TENM4: variants seen among roughly 807,000 people sequenced by gnomAD.
TENM4 encodes the protein teneurin transmembrane protein 4.
A neutral mutation model predicts 243.3 loss-of-function variants in TENM4; 82 were observed. That is an observed-to-expected ratio of 0.34 (90% CI 0.28 to 0.40). The LOEUF is 0.40. TENM4 is among the 10% of genes least tolerant of loss of function. The probability of loss-of-function intolerance (pLI) is 1.00; values close to 1 mark genes in which losing one functional copy is unlikely to be tolerated. For synonymous variants in TENM4, 1,412 were observed against 1,456.3 expected, an observed-to-expected ratio of 0.97 and a Z score of 0.69; for missense variants, 3,138 against 3,673.3, an observed-to-expected ratio of 0.85 and a Z score of 3.77.
At chr11:78,907,243 CCTT>C (rs1227302795) in intron 6 of TENM4, among the ~76,000 whole-genome samples, 4 of 143,778 alleles carry the variant, frequency 2.8e-5, no homozygotes, top group African/African-American at 5.6e-5. Context: ...TGAATGGACT[CCTT>C]TTTTTTTTTT....
chr11:79,259,348 T>C (rs1364012108), intron 2 of TENM4, among the ~76,000 whole-genome samples: 1 of 152,160 alleles, frequency 6.6e-6, no homozygotes, highest in African/African-American at 2.4e-5. Flanking sequence ...AATAAATATT[T>C]ACTATCTGTT....
intron 4 of TENM4, among the ~76,000 whole-genome samples, chr11:79,111,202 C>T (rs1339635557): frequency 3.9e-5 from 6 of 152,128 alleles, no homozygotes; most frequent in Admixed American, 6.5e-5. Context: ...TTTCGCCTTC[C>T]ACCATAATTG....
Position 79,118,307 on chromosome 11 carries a change from G to T in TENM4, c.-66+30403C>A, listed in dbSNP as rs1280720045. ...GAAACACTGTCAGGCACTGTATTAGGCTCTTTAGAGATGACATTTTATGTC... is the reference window on the plus strand; with the variant it reads ...GAAACACTGTCAGGCACTGTATTAGTCTCTTTAGAGATGACATTTTATGTC... On this transcript the variant is annotated intron_variant, in intron 4 of 33. Transcript: ENST00000278550. Among the ~76,000 whole-genome samples, 3 of 152,148 alleles carry T rather than the reference G, an allele frequency of 2.0e-5. No homozygotes were observed. In the East Asian group the frequency reaches 5.8e-4, roughly 29 times the overall value.
chr11:79,307,127 A>G (rs1252078508), intron 1 of TENM4, among the ~76,000 whole-genome samples: 1 of 152,138 alleles, frequency 6.6e-6, no homozygotes, highest in East Asian at 1.9e-4. Flanking sequence ...AACCATCACA[A>G]CAACCCTATA....
intron 16 of TENM4, among the ~76,000 whole-genome samples, chr11:78,779,750 A>G (rs1484208601): frequency 6.6e-6 from 1 of 152,198 alleles, no homozygotes; most frequent in Non-Finnish European, 1.5e-5. Flanking sequence ...CCCCAGCTGA[A>G]TTTCACACAT....
chr11:79,382,388 C>G (rs1368192116), intron 1 of TENM4, among the ~76,000 whole-genome samples: 3 of 152,174 alleles, frequency 2.0e-5, no homozygotes, highest in African/African-American at 7.2e-5. Flanking sequence ...GCAGGCTTCG[C>G]TTTCGGTGGA....
intron 1 of TENM4, among the ~76,000 whole-genome samples, chr11:79,384,152 C>T (rs1415971799): frequency 6.6e-6 from 1 of 152,136 alleles, no homozygotes; most frequent in Non-Finnish European, 1.5e-5. Flanking sequence ...GTGTTTTAGA[C>T]CCAGCTTGTG....
At chr11:78,875,383 T>C (rs1453043317) in intron 9 of TENM4, among the ~76,000 whole-genome samples, 6 of 152,152 alleles carry the variant, frequency 3.9e-5, no homozygotes, top group Non-Finnish European at 1.5e-5. Flanking sequence ...TTTGTATTTT[T>C]AGTAGAGACA....
chr11:78,856,314 C>T, intron 10 of TENM4, 136 bp from the exon 11 acceptor site: 1 of 774,438 alleles, frequency 1.3e-6, no homozygotes, highest in Non-Finnish European at 2.0e-6. Flanking sequence ...TCAGCTTCCT[C>T]CCCACCCTGG....
Position 78,814,403 on chromosome 11 carries a change from G to A in TENM4, c.1682-8C>T. The stretch of plus-strand genomic sequence containing the variant: ...GGCAGTTATCCACCGACTCTGGGGA[G>A]AGAAAGGAGAAGGAGAGTTGAAAAC... On this transcript the variant is annotated splice_region_variant and splice_polypyrimidine_tract_variant and intron_variant, in intron 12 of 33. Coordinates refer to ENST00000278550, the MANE Select transcript of TENM4 (RefSeq NM_001098816.3). The A allele has an allele frequency of 6.5e-7, 1 of 1,547,174 alleles. No homozygotes were observed. The highest frequency in any genetic ancestry group is 8.7e-7 in the Non-Finnish European group (1 of 1,144,930).
intron 24 of TENM4, 28 bp downstream of exon 24, chr11:78,722,640 A>G (rs778490036): frequency 6.2e-7 from 1 of 1,602,258 alleles, no homozygotes; most frequent in Non-Finnish European, 8.5e-7. Flanking sequence ...ATTATTAGGA[A>G]CTATGAAGAA....
intron 3 of TENM4, among the ~76,000 whole-genome samples, chr11:79,174,277 G>A (rs578232747): frequency 2.6e-5 from 4 of 151,902 alleles, no homozygotes; most frequent in South Asian, 2.1e-4. Context: ...AAGGTGAAAC[G>A]TTGTACATGA....
At chr11:78,879,305 A>G (rs1329803169) in intron 9 of TENM4, among the ~76,000 whole-genome samples, 1,800 of 15,300 alleles carry the variant, frequency 0.12, 49 homozygotes, top group African/African-American at 0.25. Flanking sequence ...GCCTTTGCCC[A>G]GCCGCCACCC....
chr11:78,900,503 T>C (rs1188925456), intron 7 of TENM4, among the ~76,000 whole-genome samples: 1 of 152,212 alleles, frequency 6.6e-6, no homozygotes, highest in Non-Finnish European at 1.5e-5. Flanking sequence ...TCTTTTTGAA[T>C]GACATTTTTA....
intron 28 of TENM4, among the ~76,000 whole-genome samples, chr11:78,692,921 T>G (rs759991887): frequency 6.6e-6 from 1 of 152,198 alleles, no homozygotes; most frequent in African/African-American, 2.4e-5. Context: ...CTAAGACAGA[T>G]AAGTCCCCCC....
At chr11:79,177,316 C>A (rs1863181727) in intron 3 of TENM4, among the ~76,000 whole-genome samples, 1 of 152,088 alleles carries the variant, frequency 6.6e-6, no homozygotes, top group Non-Finnish European at 1.5e-5. Flanking sequence ...CAGACTGGGT[C>A]TCTTTTCTCT....
chr11:79,112,186 A>T (rs940953110), intron 4 of TENM4, among the ~76,000 whole-genome samples: 2 of 152,202 alleles, frequency 1.3e-5, no homozygotes, highest in African/African-American at 2.4e-5. Context: ...GCACACACAC[A>T]TGCATATACC....
chr11:78,985,806 G>T (rs1857904699), intron 6 of TENM4, among the ~76,000 whole-genome samples: 1 of 151,980 alleles, frequency 6.6e-6, no homozygotes, highest in Non-Finnish European at 1.5e-5. Context: ...ACGGCTGCTG[G>T]GTTCAATGAA....
intron 6 of TENM4, among the ~76,000 whole-genome samples, chr11:78,978,030 A>C (rs1369223508): frequency 6.6e-6 from 1 of 152,212 alleles, no homozygotes; most frequent in East Asian, 1.9e-4. Flanking sequence ...AGCCATGAAA[A>C]AGGATGAGTT....
Sources: gnomAD v4.1 joint callset for allele counts (sites outside exome capture counted in the v4.1 genomes callset) on GRCh38, gnomAD v4.1.1 for gene constraint, MANE v1.5 for transcripts, NCBI Gene and HGNC (gene_info 2026-07-23, HGNC 2026-07-21) for gene names.